ZFHX4: variants seen among roughly 807,000 people sequenced by gnomAD.
ZFHX4 encodes zinc finger homeobox protein 4.
Under a neutral mutation model 267.6 loss-of-function variants are expected in ZFHX4, and 56 were observed. That is an observed-to-expected ratio of 0.21 (90% CI 0.17 to 0.26). The LOEUF is 0.26. ZFHX4 is among the 10% of genes least tolerant of loss of function. The pLI, the probability that ZFHX4 is intolerant of heterozygous loss-of-function variation, is 1.00. For synonymous variants in ZFHX4, 1,778 were observed against 1,665.6 expected, an observed-to-expected ratio of 1.07 and a Z score of -1.64; for missense variants, 4,332 against 4,420.0, an observed-to-expected ratio of 0.98 and a Z score of 0.56.
In ZFHX4 at chr8:76,705,716, G is replaced by C. The variant is rs771157916; in HGVS notation, c.1628G>C (p.Arg543Thr). The C allele has an allele frequency of 1.2e-6, 2 of 1,614,014 alleles. No homozygotes were observed. Among genetic ancestry groups the C allele is most frequent in the Admixed American group, 1.7e-5 (1 of 60,024 alleles). Reference protein sequence around the residue: ...TEKKKQTAAVRASGSVASNYG... With the variant: ...TEKKKQTAAVTASGSVASNYG... ...AAGAAAAAACAGACTGCTGCTGTTA[G>C]GGCCAGTGGCAGTGTTGCTAGTAAC... The change falls in exon 2 of 11, where the codon AGG (arginine) becomes ACG (threonine). Residue 543 changes from arginine (R) to threonine (T), a missense_variant. Around this residue, in one of 7 missense-constraint regions of ZFHX4, gnomAD observed 1,195 missense variants for 1,173.6 expected, o/e 1.02. Transcript: ENST00000651372.
chr8:76,685,389 A>G (rs1807666728), intron 1 of ZFHX4, among the ~76,000 whole-genome samples: 1 of 152,214 alleles, frequency 6.6e-6, no homozygotes, highest in African/African-American at 2.4e-5. Flanking sequence ...CTTTCACTGC[A>G]GAATGGCTTG....
In ZFHX4 at chr8:76,708,135, G is replaced by C. The variant is rs781204964; in HGVS notation, c.3093+87G>C. The C allele has an allele frequency of 3.2e-6, 5 of 1,544,794 alleles. No individual in the cohort carries two copies. The East Asian group carries it at 1.1e-4, about 35-fold the overall frequency. ...CTTGGAGCACAAGTCTCCAACTTAA[G>C]GAAAAAAAAAGAGAAAAAACATCAA... On this transcript the variant is annotated intron_variant, in intron 3 of 10. Transcript: ENST00000651372.
rs141401487 is a variant in ZFHX4 at position 76,744,812 on chromosome 8, T to A, written c.3094-33396T>A. Among the ~76,000 whole-genome samples the A allele has an allele frequency of 2.7e-3, 406 of 152,334 alleles. 1 individual carries two copies. Among genetic ancestry groups the A allele is most frequent in the African/African-American group, 9.4e-3 (391 of 41,578 alleles). ...ACTTACAAGTATGTAGTCATCCTGATGAGGTATGTACCACTTCAGGCTTAA... is the reference window on the plus strand; with the variant it reads ...ACTTACAAGTATGTAGTCATCCTGAAGAGGTATGTACCACTTCAGGCTTAA... On this transcript the variant is annotated intron_variant, in intron 3 of 10. Coordinates refer to ENST00000651372, the MANE Select transcript of ZFHX4 (RefSeq NM_024721.5).
intron 3 of ZFHX4, among the ~76,000 whole-genome samples, chr8:76,736,002 A>G (rs1414092779): frequency 2.0e-5 from 3 of 152,086 alleles, no homozygotes; most frequent in Non-Finnish European, 2.9e-5. Flanking sequence ...TTGTGTTTAT[A>G]TATTTTAATC....
At chr8:76,695,467 A>ATT (rs1165834090) in intron 1 of ZFHX4, among the ~76,000 whole-genome samples, 1 of 152,246 alleles carries the variant, frequency 6.6e-6, no homozygotes, top group African/African-American at 2.4e-5. Flanking sequence ...GTAGAATGGA[A>ATT]GTTAACACTT....
chr8:76,717,058 C>T (rs1320925970), intron 3 of ZFHX4, among the ~76,000 whole-genome samples: 2 of 152,254 alleles, frequency 1.3e-5, no homozygotes, highest in African/African-American at 4.8e-5. Flanking sequence ...ACAAGAACAA[C>T]TGAAGCACAA....
chr8:76,863,700 C>T lies in ZFHX4; in HGVS notation c.9986C>T (p.Ser3329Phe). ...YQQYQQNLQE[S>F]LQKQQKQQQE... Reference sequence around the variant, plus strand: ...CAGTATCAGCAGAACCTGCAGGAGTCCCTGCAAAAGCAGCAAAAGCAACAG... The same window carrying T: ...CAGTATCAGCAGAACCTGCAGGAGTTCCTGCAAAAGCAGCAAAAGCAACAG... Residue 3329 changes from serine (S) to phenylalanine (F), a missense_variant, in exon 11 of 11, where the codon TCC (serine) becomes TTC (phenylalanine). By Grantham distance (155) the Ser-to-Phe change is radical (BLOSUM62 -2). Around this residue, in one of 7 missense-constraint regions of ZFHX4, gnomAD observed 1,648 missense variants for 1,625.0 expected, o/e 1.01. Transcript: ENST00000651372. The T allele has an allele frequency of 1.9e-6, 3 of 1,580,768 alleles. No individual in the cohort carries two copies. Among genetic ancestry groups the T allele is most frequent in the African/African-American group, 1.3e-5 (1 of 74,264 alleles).
intron 4 of ZFHX4, among the ~76,000 whole-genome samples, chr8:76,829,279 G>A (rs542081542): frequency 8.8e-6 from 1 of 113,460 alleles, no homozygotes; most frequent in Non-Finnish European, 1.7e-5. Flanking sequence ...ATTAGCCGGG[G>A]CGGGGGGCGG....
At chr8:76,797,910 GTGTGTGTGTC>G (rs945550709) in intron 4 of ZFHX4, among the ~76,000 whole-genome samples, 1 of 151,668 alleles carries the variant, frequency 6.6e-6, no homozygotes, top group African/African-American at 2.4e-5. Context: ...GTGTGTGTGT[GTGTGTGTGTC>G]TGTGTGTCTG....
At chr8:76,697,396 AT>A (rs1423792131) in intron 1 of ZFHX4, among the ~76,000 whole-genome samples, 2 of 152,148 alleles carry the variant, frequency 1.3e-5, no homozygotes, top group South Asian at 2.1e-4. Flanking sequence ...ATTAAGATTA[AT>A]TTTTTAAATG....
chr8:76,703,046 C>T (rs952012360), intron 1 of ZFHX4, among the ~76,000 whole-genome samples: 11 of 151,934 alleles, frequency 7.2e-5, no homozygotes, highest in African/African-American at 2.4e-4. Flanking sequence ...TAGTACTTTA[C>T]CCTGCTGTCA....
In ZFHX4 at chr8:76,816,752, T is replaced by A. The variant is rs113276564; in HGVS notation, c.3326-16586T>A. ...TTGGGATTACAGGCGCCTGCAACCA[T>A]GCCCGGCTAATTTTTGTATTTTTAG... On this transcript the variant is annotated intron_variant, in intron 4 of 10. Coordinates refer to ENST00000651372, the MANE Select transcript of ZFHX4 (RefSeq NM_024721.5). Among the ~76,000 whole-genome samples the A allele has an allele frequency of 4.4e-3, 663 of 151,982 alleles. 7 individuals are homozygous for A. The highest frequency in any genetic ancestry group is 0.013 in the African/African-American group (550 of 41,476).
At chr8:76,782,319 A>G in intron 4 of ZFHX4, 1 of 258,904 alleles carries the variant, frequency 3.9e-6, no homozygotes, top group East Asian at 1.0e-4. Context: ...CCACATGTGG[A>G]CTCTACAAAT....
At position 76,707,578 on chromosome 8, in the gene ZFHX4, G is replaced by A; in HGVS notation, c.2623G>A (p.Ala875Thr). The A allele has an allele frequency of 6.3e-7, 1 of 1,594,694 alleles. No individual in the cohort carries two copies. The highest frequency in any genetic ancestry group is 1.1e-5 in the South Asian group (1 of 88,658). The change falls in exon 3 of 11, where the codon GCC becomes ACC. Residue 875 changes from alanine to threonine, a missense_variant. Ala to Thr is a moderately conservative substitution (Grantham distance 58, BLOSUM62 0). Transcript: ENST00000651372. ...TGAGCTGCCGCCTGAAATCCGGCTT[G>A]CCAGTGGTCAGCTAATGGGTGATGA... ...NNELPPEIRL[A>T]SGQLMGDDLS...
rs199664193 is a variant in ZFHX4 at position 76,746,414 on chromosome 8, C to T, written c.3094-31794C>T. On this transcript the variant is annotated intron_variant, in intron 3 of 10. Transcript: ENST00000651372. ...CAGAGTGAGATCCTGTTTCTGAAAA[C>T]AAAAAACAAACAAGAAATATTTTTT... is the stretch of plus-strand genomic sequence containing the variant. Among the ~76,000 whole-genome samples, 10 of 152,056 alleles carry T rather than the reference C, an allele frequency of 6.6e-5. No homozygotes were observed. In the East Asian group the frequency reaches 1.4e-3, roughly 21 times the overall value.
At chr8:76,742,059 A>G (rs759508687) in intron 3 of ZFHX4, among the ~76,000 whole-genome samples, 1 of 152,220 alleles carries the variant, frequency 6.6e-6, no homozygotes, top group Non-Finnish European at 1.5e-5. Context: ...GAGTGCTTCC[A>G]CATAAATAGA....
chr8:76,779,525 G>A (rs1025416731), intron 4 of ZFHX4, among the ~76,000 whole-genome samples: 2 of 151,978 alleles, frequency 1.3e-5, no homozygotes, highest in Non-Finnish European at 2.9e-5. Flanking sequence ...GCTTGAGAGC[G>A]TACTCCATTA....
intron 3 of ZFHX4, among the ~76,000 whole-genome samples, chr8:76,772,119 A>G (rs1174078440): frequency 1.3e-5 from 2 of 152,094 alleles, no homozygotes; most frequent in Admixed American, 6.6e-5. Context: ...TGTCGGCCAT[A>G]TTGTGGAGAT....
chr8:76,817,414 C>T (rs1214394724), intron 4 of ZFHX4, among the ~76,000 whole-genome samples: 1 of 152,008 alleles, frequency 6.6e-6, no homozygotes, highest in Non-Finnish European at 1.5e-5. Flanking sequence ...AATTAAAAGT[C>T]AAGTTGACAG....
Sources: allele counts gnomAD v4.1 joint callset (sites outside exome capture counted in the v4.1 genomes callset), GRCh38; gene constraint gnomAD v4.1.1; regional missense constraint gnomAD v4.1.1; transcripts MANE v1.5; gene names NCBI Gene and HGNC (gene_info 2026-07-23, HGNC 2026-07-21).